The following RAD51B variants were observed in gnomAD, a reference collection of about 807,000 sequenced individuals.
The protein encoded by RAD51B is RAD51 paralog B.
Under a neutral mutation model 42.2 loss-of-function variants are expected in RAD51B, and 38 were observed. The observed-to-expected ratio is 0.90, with a 90% CI of 0.70 to 1.18. The LOEUF is 1.18. RAD51B is among the 50% of genes most tolerant of loss of function. The pLI, the probability that RAD51B is intolerant of heterozygous loss-of-function variation, is 0.00. For missense variants in RAD51B, 373 were observed against 400.7 expected, an observed-to-expected ratio of 0.93 and a Z score of 0.59; for synonymous variants, 154 against 145.2, an observed-to-expected ratio of 1.06 and a Z score of -0.43.
chr14:68,597,343 G>C (rs1287559237), downstream of RAD51B, among the ~76,000 whole-genome samples: 1 of 152,170 alleles, frequency 6.6e-6, no homozygotes, highest in Admixed American at 6.5e-5. Flanking sequence ...CATTGAGGAT[G>C]ACAGGATAGA....
At chr14:68,288,089 C>T (rs1279918199) in intron 7 of RAD51B, among the ~76,000 whole-genome samples, 1 of 152,084 alleles carries the variant, frequency 6.6e-6, no homozygotes, top group African/African-American at 2.4e-5. Flanking sequence ...GCAGGAAAAC[C>T]CCATGAAGCG....
intron 4 of RAD51B, among the ~76,000 whole-genome samples, chr14:67,840,817 T>C (rs1434981735): frequency 6.6e-6 from 1 of 152,142 alleles, no homozygotes; most frequent in Non-Finnish European, 1.5e-5. Flanking sequence ...TTTTTTTTTT[T>C]TTTTGGGACA....
chr14:68,557,667 C>T (rs1409039686), intron 10 of RAD51B, among the ~76,000 whole-genome samples: 1 of 152,188 alleles, frequency 6.6e-6, no homozygotes, highest in Non-Finnish European at 1.5e-5. Flanking sequence ...GCCAACATCC[C>T]ACATGCCTGC....
At chr14:67,992,037 A>G (rs2075304306) in intron 7 of RAD51B, among the ~76,000 whole-genome samples, 1 of 152,214 alleles carries the variant, frequency 6.6e-6, no homozygotes, top group Non-Finnish European at 1.5e-5. Flanking sequence ...AAAAAAATGC[A>G]TTGTGATCTT....
In RAD51B at chr14:67,864,961, CTTTTTTTTTTTTTTTTTTTTT is replaced by C. The variant is rs745505141; in HGVS notation, c.316-23_316-3del. ...TGGCTTGTGATGTTTATCTAAAAAA[CTTTTTTTTTTTTTTTTTTTTT>C]TTTTTTTTTTTTTTTTTTAGATTAC... On this transcript the variant is annotated intron_variant, in intron 4 of 10. Coordinates refer to ENST00000471583, the MANE Select transcript of RAD51B (RefSeq NM_133510.4). 654 of 644,982 alleles carry C rather than the reference CTTTTTTTTTTTTTTTTTTTTT, an allele frequency of 1.0e-3. 5 individuals carry two copies. Among genetic ancestry groups the C allele is most frequent in the African/African-American group, 6.0e-3 (159 of 26,398 alleles). 40.0% of individuals were successfully genotyped at this position (644,982 alleles called of 1,614,324 possible).
At chr14:68,547,992 C>G (rs1203221905) in intron 10 of RAD51B, among the ~76,000 whole-genome samples, 1 of 152,220 alleles carries the variant, frequency 6.6e-6, no homozygotes, top group Non-Finnish European at 1.5e-5. Context: ...TCCCCCACCC[C>G]ACATATACAC....
chr14:68,068,629 G>C (rs1380522634), intron 7 of RAD51B, among the ~76,000 whole-genome samples: 1 of 152,138 alleles, frequency 6.6e-6, no homozygotes, highest in African/African-American at 2.4e-5. Context: ...TGGGTGTATA[G>C]CTGGGTGTTT....
chr14:68,093,468 A>G (rs1227196513), intron 7 of RAD51B, among the ~76,000 whole-genome samples: 1 of 151,898 alleles, frequency 6.6e-6, no homozygotes, highest in East Asian at 1.9e-4. Context: ...TTTCTTCTAG[A>G]TTTTCTAGTT....
chr14:68,575,122 A>T (rs1889903385), intron 10 of RAD51B, among the ~76,000 whole-genome samples: 1 of 152,260 alleles, frequency 6.6e-6, no homozygotes, highest in Non-Finnish European at 1.5e-5. Flanking sequence ...TTTGCAGGCC[A>T]GGCATTGTGC....
Position 67,911,174 on chromosome 14 carries a change from A to T in RAD51B, c.756+23970A>T, listed in dbSNP as rs543855538. On this transcript the variant is annotated intron_variant, in intron 7 of 10. Transcript: ENST00000471583. ...GATGGAAAACTGTTAGCCCTTGGTG[A>T]TGTTATTGAGCAGTGTTATCTGTGG... Among the ~76,000 whole-genome samples the T allele has an allele frequency of 2.0e-5, 3 of 152,254 alleles. No individual in the cohort carries two copies. The South Asian group carries it at 6.2e-4, about 32-fold the overall frequency.
chr14:68,270,777 A>G (rs2081089426), intron 7 of RAD51B, among the ~76,000 whole-genome samples: 1 of 151,894 alleles, frequency 6.6e-6, no homozygotes, highest in Middle Eastern at 3.4e-3. Context: ...CAACCTTACC[A>G]TTTCCATCTT....
intron 8 of RAD51B, among the ~76,000 whole-genome samples, chr14:68,395,820 T>C (rs1383952875): frequency 6.6e-6 from 1 of 152,236 alleles, no homozygotes; most frequent in Admixed American, 6.5e-5. Context: ...GTGTGTGACC[T>C]TGGGTACATC....
chr14:68,603,942 C>T (rs1009984723), intron 10 of RAD51B, among the ~76,000 whole-genome samples: 2 of 152,220 alleles, frequency 1.3e-5, no homozygotes, highest in South Asian at 2.1e-4. Flanking sequence ...CTGGGGTCTC[C>T]GGAGGGAAGC....
At chr14:68,255,212 A>G (rs1314749400) in intron 7 of RAD51B, among the ~76,000 whole-genome samples, 1 of 152,192 alleles carries the variant, frequency 6.6e-6, no homozygotes, top group African/African-American at 2.4e-5. Context: ...TATTTTCAGA[A>G]AACTTTTTCT....
At chr14:68,061,634 G>A (rs759869014) in intron 7 of RAD51B, among the ~76,000 whole-genome samples, 1 of 151,468 alleles carries the variant, frequency 6.6e-6, no homozygotes, top group Non-Finnish European at 1.5e-5. Flanking sequence ...TTATTCCTAG[G>A]TATTTTATTT....
chr14:67,882,556 A>G (rs1297801261), intron 5 of RAD51B, among the ~76,000 whole-genome samples: 1 of 152,208 alleles, frequency 6.6e-6, no homozygotes, highest in Non-Finnish European at 1.5e-5. Context: ...GCGTAATGAC[A>G]TGGAACTTGG....
At chr14:68,141,622 A>G (rs1247080455) in intron 7 of RAD51B, among the ~76,000 whole-genome samples, 1 of 152,200 alleles carries the variant, frequency 6.6e-6, no homozygotes, top group Non-Finnish European at 1.5e-5. Context: ...GTATTACATT[A>G]ACATTATTAT....
At chr14:68,505,281 A>G (rs911152637) in intron 10 of RAD51B, among the ~76,000 whole-genome samples, 2 of 152,190 alleles carry the variant, frequency 1.3e-5, no homozygotes, top group African/African-American at 2.4e-5. Context: ...AGTTTTGTAC[A>G]CTGGGCTTTC....
At chr14:68,236,073 A>G (rs1250952452) in intron 7 of RAD51B, among the ~76,000 whole-genome samples, 3 of 152,154 alleles carry the variant, frequency 2.0e-5, no homozygotes, top group African/African-American at 4.8e-5. Flanking sequence ...GGAGGGAGGC[A>G]GGAGGGTGAT....
Sources: allele counts gnomAD v4.1 joint callset (sites outside exome capture counted in the v4.1 genomes callset), GRCh38; gene constraint gnomAD v4.1.1; transcripts MANE v1.5; gene names NCBI Gene and HGNC (gene_info 2026-07-23, HGNC 2026-07-21).